The following EPHB1 variants were observed in gnomAD, a reference collection of about 807,000 sequenced individuals.
EPHB1 encodes ephrin type-B receptor 1.
Under a neutral mutation model 94.4 loss-of-function variants are expected in EPHB1, and 30 were observed. The ratio of observed to expected loss-of-function variants is 0.32; its 90% CI spans 0.24 to 0.43. The LOEUF (loss-of-function observed/expected upper bound fraction) is 0.43. Among genes scored for constraint, EPHB1 ranks in the 20% least tolerant of loss-of-function variants. The probability of loss-of-function intolerance (pLI) is 1.00; values close to 1 mark genes in which losing one functional copy is unlikely to be tolerated. For missense variants in EPHB1, 1,055 were observed against 1,308.3 expected, an observed-to-expected ratio of 0.81 and a Z score of 2.99; for synonymous variants, 522 against 489.1, an observed-to-expected ratio of 1.07 and a Z score of -0.89.
intron 3 of EPHB1, among the ~76,000 whole-genome samples, chr3:135,105,407 G>A (rs1033162173): frequency 4.6e-5 from 7 of 152,186 alleles, no homozygotes; most frequent in Non-Finnish European, 1.0e-4. Flanking sequence ...AGTCTCAAAG[G>A]AGGATGAGCC....
chr3:134,795,546 G>T lies in EPHB1; in HGVS notation c.-86G>T. 7.6e-7 allele frequency: 1 copy of T among 1,321,898 alleles called. No individual in the cohort carries two copies. Among genetic ancestry groups the T allele is most frequent in the South Asian group, 1.3e-5 (1 of 77,276 alleles). 81.9% of individuals were successfully genotyped at this position (1,321,898 alleles called of 1,614,324 possible). A position where few individuals can be genotyped will look rare whatever the true frequency, so the allele number is the denominator to read the frequency against. On this transcript the variant is annotated 5_prime_UTR_variant, in exon 1 of 16. Transcript: ENST00000398015. ...GAAAGGATACCGAGAAGCCACCCGC[G>T]GAGAGCGCAGCGGCGCCCTGGGACG...
intron 5 of EPHB1, among the ~76,000 whole-genome samples, chr3:135,144,549 C>G (rs143995213): frequency 1.6e-3 from 249 of 152,250 alleles, no homozygotes; most frequent in African/African-American, 5.8e-3. Flanking sequence ...AGAATGCCAC[C>G]CCACCCTCAA....
intron 14 of EPHB1, among the ~76,000 whole-genome samples, chr3:135,248,722 G>C (rs997818389): frequency 7.9e-5 from 12 of 152,048 alleles, no homozygotes; most frequent in Non-Finnish European, 1.0e-4. Context: ...TCAGGATAAT[G>C]GTTGTGGAAA....
At chr3:135,089,582 CCA>C (rs1225569030) in intron 3 of EPHB1, among the ~76,000 whole-genome samples, 2 of 152,190 alleles carry the variant, frequency 1.3e-5, no homozygotes, top group Non-Finnish European at 2.9e-5. Context: ...GCTTCTCATA[CCA>C]GTCTCTCATT....
At chr3:135,061,173 G>T (rs1401370525) in intron 3 of EPHB1, among the ~76,000 whole-genome samples, 1 of 152,136 alleles carries the variant, frequency 6.6e-6, no homozygotes, top group Admixed American at 6.5e-5. Flanking sequence ...GGTGGTGTTT[G>T]GTTACATGAG....
At chr3:135,195,259 G>A (rs7651741) in intron 11 of EPHB1, among the ~76,000 whole-genome samples, 5,452 of 152,088 alleles carry the variant, frequency 0.036, 136 homozygotes, top group South Asian at 0.073. Context: ...GGGGAACAGG[G>A]AGATTCATTC....
intron 5 of EPHB1, among the ~76,000 whole-genome samples, chr3:135,136,673 T>C (rs1940630403): frequency 1.3e-5 from 2 of 152,340 alleles, no homozygotes; most frequent in South Asian, 4.1e-4. Context: ...GTGGCCATTT[T>C]ATCCTCAGAC....
intron 11 of EPHB1, among the ~76,000 whole-genome samples, chr3:135,197,946 T>A (rs1417618965): frequency 6.6e-6 from 1 of 152,230 alleles, no homozygotes; most frequent in Non-Finnish European, 1.5e-5. Flanking sequence ...TTAATATGTT[T>A]TTATCTTTAA....
intron 1 of EPHB1, among the ~76,000 whole-genome samples, chr3:134,811,842 G>T (rs1349979534): frequency 6.6e-6 from 1 of 152,210 alleles, no homozygotes; most frequent in Non-Finnish European, 1.5e-5. Context: ...GCCCTAAACA[G>T]TCGGAAAGGA....
At chr3:135,096,885 C>T (rs528814797) in intron 3 of EPHB1, among the ~76,000 whole-genome samples, 6 of 152,144 alleles carry the variant, frequency 3.9e-5, no homozygotes, top group South Asian at 2.1e-4. Flanking sequence ...ATCACGAGGT[C>T]GGGAGATCGA....
intron 12 of EPHB1, among the ~76,000 whole-genome samples, chr3:135,205,330 T>G (rs1265288488): frequency 1.3e-5 from 2 of 152,208 alleles, no homozygotes; most frequent in African/African-American, 2.4e-5. Flanking sequence ...AAAGTCTTTT[T>G]ATATTACAGA....
chr3:135,081,244 GTGGCTTAAGTCTTTGGGGATAA>G (rs1938153264), intron 3 of EPHB1, among the ~76,000 whole-genome samples: 3 of 152,292 alleles, frequency 2.0e-5, no homozygotes, highest in African/African-American at 4.8e-5. Flanking sequence ...CTCAGAATGT[GTGGCTTAAGTCTTTGGGGATAA>G]TTATTTTAAG....
chr3:134,994,069 C>T (rs114935390), intron 3 of EPHB1, among the ~76,000 whole-genome samples: 1 of 152,292 alleles, frequency 6.6e-6, no homozygotes, highest in African/African-American at 2.4e-5. Context: ...GCACATAATA[C>T]GTTCTGTCAT....
chr3:135,140,496 AAG>A (rs2107690009), intron 5 of EPHB1, among the ~76,000 whole-genome samples: 1 of 152,366 alleles, frequency 6.6e-6, no homozygotes, highest in East Asian at 1.9e-4. Flanking sequence ...GTCTTTCTTA[AAG>A]TAATCTCAGG....
chr3:135,001,270 G>A (rs1472363557), intron 3 of EPHB1, among the ~76,000 whole-genome samples: 1 of 152,152 alleles, frequency 6.6e-6, no homozygotes, highest in Non-Finnish European at 1.5e-5. Context: ...AAGAAGAAAT[G>A]GGGGATTGGA....
intron 12 of EPHB1, among the ~76,000 whole-genome samples, chr3:135,225,311 G>T (rs1943367815): frequency 6.6e-6 from 1 of 152,186 alleles, no homozygotes; most frequent in Admixed American, 6.5e-5. Context: ...AGAACCTCCA[G>T]GGTCAACAAG....
At chr3:135,030,052 C>G (rs899312832) in intron 3 of EPHB1, among the ~76,000 whole-genome samples, 15 of 150,992 alleles carry the variant, frequency 9.9e-5, no homozygotes, top group Non-Finnish European at 1.9e-4. Context: ...ACGTAGTTCT[C>G]GAGCCTTGGT....
chr3:134,795,999 G>A (rs1412753476), intron 1 of EPHB1: 3 of 471,300 alleles, frequency 6.4e-6, no homozygotes, highest in Non-Finnish European at 1.1e-5. Context: ...GCTGCATTGC[G>A]GTGCATGCTC....
chr3:134,922,408 T>G lies in EPHB1; in HGVS notation c.59-3408T>G, dbSNP rs551424431. ...GTTTTGTGGTCTTCTGTCTCCACAA[T>G]GGGCAGATGTAAAGAAATGGATTTC... On this transcript the variant is annotated intron_variant, in intron 1 of 15. Transcript: ENST00000398015. 2.0e-5 allele frequency among the ~76,000 whole-genome samples: 3 copies of G among 152,330 alleles called. No homozygotes were observed. The South Asian group carries it at 6.2e-4, about 32-fold the overall frequency.
Sources: allele counts gnomAD v4.1 joint callset (sites outside exome capture counted in the v4.1 genomes callset), GRCh38; gene constraint gnomAD v4.1.1; transcripts MANE v1.5; gene names NCBI Gene and HGNC (gene_info 2026-07-23, HGNC 2026-07-21).